The following ARGLU1 variants were observed in gnomAD, a reference collection of about 807,000 sequenced individuals.
ARGLU1 encodes the protein arginine and glutamate-rich protein 1.
Under a neutral mutation model 37.6 loss-of-function variants are expected in ARGLU1, and 9 were observed. The ratio of observed to expected loss-of-function variants is 0.24; its 90% CI spans 0.14 to 0.42. The LOEUF (loss-of-function observed/expected upper bound fraction) is 0.42, where lower values mean the gene tolerates loss of function less well. Among genes scored for constraint, ARGLU1 ranks in the 10% least tolerant of loss-of-function variants. The pLI, the probability that ARGLU1 is intolerant of heterozygous loss-of-function variation, is 1.00. For synonymous variants in ARGLU1, 166 were observed against 138.5 expected (o/e 1.20, Z -1.39); for missense variants, 211 against 359.2 (o/e 0.59, Z 3.34).
chr13:106,556,780 G>A (rs1290063361), intron 3 of ARGLU1, among the ~76,000 whole-genome samples: 2 of 152,116 alleles, frequency 1.3e-5, no homozygotes, highest in Non-Finnish European at 2.9e-5. Context: ...TGTGAATGAG[G>A]TTAGGAAAGA....
At position 106,553,956 on chromosome 13, in the gene ARGLU1, A is replaced by G. The variant is rs79363024; in HGVS notation, c.657+3092T>C. 7.2e-3 allele frequency among the ~76,000 whole-genome samples: 1,094 copies of G among 152,182 alleles called. 3 individuals carry two copies. Among genetic ancestry groups the G allele is most frequent in the African/African-American group, 0.013 (552 of 41,516 alleles). The stretch of plus-strand genomic sequence containing the variant: ...TTCTTCCAATATCCCAAGTTTCCAC[A>G]CCCTAGCCTTTGTTTTATTCTACTA... On this transcript the variant is annotated intron_variant, in intron 3 of 3. Coordinates refer to ENST00000400198, the MANE Select transcript of ARGLU1 (RefSeq NM_018011.4).
At chr13:106,551,979 T>C (rs1880542747) in intron 3 of ARGLU1, among the ~76,000 whole-genome samples, 1 of 152,184 alleles carries the variant, frequency 6.6e-6, no homozygotes, top group Non-Finnish European at 1.5e-5. Context: ...CCGCCCTCCT[T>C]GTCATATATG....
At chr13:106,551,337 A>C (rs1420289367) in intron 3 of ARGLU1, among the ~76,000 whole-genome samples, 1 of 152,202 alleles carries the variant, frequency 6.6e-6, no homozygotes, top group Non-Finnish European at 1.5e-5. Context: ...AAAAAGTTTT[A>C]AGTTCTGCCT....
chr13:106,550,132 G>C (rs753691680), intron 3 of ARGLU1, among the ~76,000 whole-genome samples: 6 of 152,102 alleles, frequency 3.9e-5, no homozygotes, highest in Admixed American at 1.3e-4. Context: ...GATTACATCA[G>C]GAGTGTCTTT....
At chr13:106,546,382 C>T (rs904934023) in intron 3 of ARGLU1, among the ~76,000 whole-genome samples, 2 of 152,174 alleles carry the variant, frequency 1.3e-5, no homozygotes, top group Admixed American at 1.3e-4. Flanking sequence ...GTTTCTACTC[C>T]TCTTCTAAAT....
At chr13:106,546,584 T>G (rs1248410233) in intron 3 of ARGLU1, among the ~76,000 whole-genome samples, 2 of 152,116 alleles carry the variant, frequency 1.3e-5, no homozygotes, top group African/African-American at 4.8e-5. Flanking sequence ...TTATCCAGTT[T>G]TAATAAATCA....
At position 106,557,867 on chromosome 13, in the gene ARGLU1, T is replaced by G; in HGVS notation, c.574-736A>C. 2 of 985,484 alleles carry G rather than the reference T, an allele frequency of 2.0e-6. No homozygotes were observed. The highest frequency in any genetic ancestry group is 2.4e-6 in the Non-Finnish European group (2 of 829,934). The allele number at this position is 985,484 out of a possible 1,614,324, so 61.0% of individuals were successfully genotyped here. On this transcript the variant is annotated intron_variant, in intron 2 of 3. Coordinates refer to ENST00000400198, the MANE Select transcript of ARGLU1 (RefSeq NM_018011.4). This position sits in a 1 kb window ranked among gnomAD's most constrained non-coding sequence, Gnocchi z 5.0. ...GCTTCTTCCATGGGGAAAATGGACT[T>G]AACATTCAGATGTTGACAATTTCGG... is the stretch of plus-strand genomic sequence containing the variant.
At chr13:106,544,796 T>C (rs1376215561) in intron 3 of ARGLU1, among the ~76,000 whole-genome samples, 2 of 152,164 alleles carry the variant, frequency 1.3e-5, no homozygotes, top group Non-Finnish European at 2.9e-5. Context: ...ATAGTATCAG[T>C]AGACAACCAA....
At chr13:106,549,753 T>C (rs1566471363) in intron 3 of ARGLU1, among the ~76,000 whole-genome samples, 1 of 152,226 alleles carries the variant, frequency 6.6e-6, no homozygotes, top group Non-Finnish European at 1.5e-5. Flanking sequence ...TAAATCATTT[T>C]TGAAACTTCA....
At chr13:106,545,537 A>G (rs1594187075) in intron 3 of ARGLU1, among the ~76,000 whole-genome samples, 1 of 152,136 alleles carries the variant, frequency 6.6e-6, no homozygotes, top group African/African-American at 2.4e-5. Context: ...GCCACACACT[A>G]ATTACTTCTT....
chr13:106,557,496 T>A lies in ARGLU1; in HGVS notation c.574-365A>T. ...TAAAGTGAATATTTGTCTCACCAAT[T>A]ATGTATACCTACGTATTCTTTACCT... On this transcript the variant is annotated intron_variant, in intron 2 of 3. Transcript: ENST00000400198. This position sits in a 1 kb window ranked among gnomAD's most constrained non-coding sequence, Gnocchi z 5.0. The A allele has an allele frequency of 2.4e-6, 3 of 1,247,948 alleles. No homozygotes were observed. The highest frequency in any genetic ancestry group is 5.8e-5 in the Admixed American group (2 of 34,296). 77.3% of individuals were successfully genotyped at this position (1,247,948 alleles called of 1,614,324 possible).
In ARGLU1 at chr13:106,567,154, AT is replaced by A. The variant is rs1880990249; in HGVS notation, c.347+418del. 1.3e-5 allele frequency among the ~76,000 whole-genome samples: 2 copies of A among 151,694 alleles called. No homozygotes were observed. The highest frequency in any genetic ancestry group is 2.4e-5 in the African/African-American group (1 of 41,274). On this transcript the variant is annotated intron_variant, in intron 1 of 3. Transcript: ENST00000400198. This position sits in a 1 kb window ranked among gnomAD's most constrained non-coding sequence, Gnocchi z 4.3. ...GCTGTGATTCGCATCTCAAAGGTTA[AT>A]TCCCTTCTCTCTCCTCCTCAAGCCG...
chr13:106,565,680 T>C (rs190475352), intron 1 of ARGLU1, among the ~76,000 whole-genome samples: 29 of 152,342 alleles, frequency 1.9e-4, no homozygotes, highest in Admixed American at 1.6e-3. Flanking sequence ...ATTGTTTCTT[T>C]TGCATTGTTT....
intron 3 of ARGLU1, among the ~76,000 whole-genome samples, chr13:106,554,613 G>A (rs952870773): frequency 2.0e-5 from 3 of 152,138 alleles, no homozygotes; most frequent in African/African-American, 4.8e-5. Flanking sequence ...TTGGCCGGGC[G>A]CGGTAGCTCA....
intron 3 of ARGLU1, among the ~76,000 whole-genome samples, chr13:106,544,858 C>A (rs1566469713): frequency 6.6e-6 from 1 of 152,176 alleles, no homozygotes; most frequent in African/African-American, 2.4e-5. Flanking sequence ...AACCTTCTGA[C>A]CTGACTAACT....
At chr13:106,563,802 A>G (rs1413714399) in intron 1 of ARGLU1, among the ~76,000 whole-genome samples, 1 of 152,224 alleles carries the variant, frequency 6.6e-6, no homozygotes, top group East Asian at 1.9e-4. Context: ...CAAGTATTCT[A>G]AGAATCACTT....
chr13:106,545,002 G>A (rs1325624477), intron 3 of ARGLU1, among the ~76,000 whole-genome samples: 1 of 152,058 alleles, frequency 6.6e-6, no homozygotes, highest in African/African-American at 2.4e-5. Context: ...CCAAAGTCAG[G>A]CCCTTCTCAT....
chr13:106,556,941 C>A, intron 3 of ARGLU1, 107 bp downstream of exon 3: 4 of 898,224 alleles, frequency 4.5e-6, no homozygotes, highest in Non-Finnish European at 7.1e-6. Flanking sequence ...TCCTGAGAAT[C>A]CCCCCAAAAT....
At chr13:106,548,873 C>T (rs1020021980) in intron 3 of ARGLU1, among the ~76,000 whole-genome samples, 3 of 152,130 alleles carry the variant, frequency 2.0e-5, no homozygotes, top group Admixed American at 2.0e-4. Context: ...CTCAGCCTCC[C>T]GAGTAGCTGG....
Sources: allele counts gnomAD v4.1 joint callset (sites outside exome capture counted in the v4.1 genomes callset), GRCh38; gene constraint gnomAD v4.1.1; non-coding constraint Gnocchi (gnomAD v3.1); transcripts MANE v1.5; gene names NCBI Gene and HGNC (gene_info 2026-07-23, HGNC 2026-07-21).